Variants in ATP6V1E2 observed in about 807,000 individuals in gnomAD.
ATP6V1E2 encodes the protein ATPase H+ transporting V1 subunit E2, also known as V-type proton ATPase subunit E 2.
For synonymous variants in ATP6V1E2, 121 were observed against 104.2 expected (o/e 1.16, Z -0.98); for missense variants, 308 against 273.3 (o/e 1.13, Z -0.90).
At chr2:46,522,799 C>A (rs962833394) in intron 4 of ATP6V1E2, among the ~76,000 whole-genome samples, 13 of 152,146 alleles carry the variant, frequency 8.5e-5, no homozygotes, top group Non-Finnish European at 1.5e-5. Context: ...GGTTCTAGAT[C>A]CTTGAGGAAT....
chr2:46,520,846 A>G (rs939352546), intron 4 of ATP6V1E2, among the ~76,000 whole-genome samples: 1 of 152,046 alleles, frequency 6.6e-6, no homozygotes, highest in African/African-American at 2.4e-5. Context: ...TGGGGATGGA[A>G]GGGAGGCTTT....
At chr2:46,536,567 G>C (rs1415782847) in intron 3 of ATP6V1E2, 44 bp downstream of exon 3, 2 of 152,252 alleles carry the variant, frequency 1.3e-5, no homozygotes, top group Non-Finnish European at 1.5e-5. Flanking sequence ...ATAACAGCAG[G>C]GCAGCACCAG....
rs1667139981 is a variant in ATP6V1E2, at chr2:46,530,702, T to C, written c.-102+5111A>G. Among the ~76,000 whole-genome samples, 2 of 152,200 alleles carry C rather than the reference T, an allele frequency of 1.3e-5. No homozygotes were observed. Among genetic ancestry groups the C allele is most frequent in the African/African-American group, 4.8e-5 (2 of 41,446 alleles). ...TGGGTAATATATAAAGGAAAGAGGT[T>C]TCATTGACTCACAGTTCAGCATGTC... is the stretch of plus-strand genomic sequence containing the variant. On this transcript the variant is annotated intron_variant, in intron 4 of 4. Transcript: ENST00000522587. This position sits in a 1 kb window ranked among gnomAD's most constrained non-coding sequence, Gnocchi z 5.2.
chr2:46,524,765 G>T (rs1180776653), intron 4 of ATP6V1E2, among the ~76,000 whole-genome samples: 1 of 152,202 alleles, frequency 6.6e-6, no homozygotes, highest in Non-Finnish European at 1.5e-5. Context: ...AAGGCCTGCT[G>T]GTGGAAAGGG....
intron 4 of ATP6V1E2, among the ~76,000 whole-genome samples, chr2:46,516,127 GA>G (rs1432419378): frequency 6.6e-6 from 1 of 152,176 alleles, no homozygotes; most frequent in Middle Eastern, 3.2e-3. Context: ...TATCCAGACA[GA>G]AAATCAGTAA....
intron 4 of ATP6V1E2, among the ~76,000 whole-genome samples, chr2:46,518,293 G>C (rs75350461): frequency 3.9e-5 from 6 of 152,178 alleles, no homozygotes; most frequent in African/African-American, 1.4e-4. Flanking sequence ...ATCTAAAGTA[G>C]TCAAACTCAT....
chr2:46,535,708 T>C lies in ATP6V1E2; in HGVS notation c.-102+105A>G, dbSNP rs1461488331. 1.3e-5 allele frequency: 2 copies of C among 152,242 alleles called. No individual in the cohort carries two copies. The highest frequency in any genetic ancestry group is 2.1e-4 in the South Asian group (1 of 4,832). 9.4% of individuals were successfully genotyped at this position (152,242 alleles called of 1,614,324 possible). On this transcript the variant is annotated intron_variant, in intron 4 of 4. Transcript: ENST00000522587. The surrounding 1 kb of genome is among the most constrained non-coding windows in gnomAD (Gnocchi z 4.4). Reference sequence around the variant, plus strand: ...GCCTCCAGAGACAATGTGCCCTGTATTTAACTCTGGCTACACTAGCTTTTA... The same window carrying C: ...GCCTCCAGAGACAATGTGCCCTGTACTTAACTCTGGCTACACTAGCTTTTA...
At chr2:46,517,973 G>C (rs1323820278) in intron 4 of ATP6V1E2, among the ~76,000 whole-genome samples, 1 of 152,202 alleles carries the variant, frequency 6.6e-6, no homozygotes, top group East Asian at 1.9e-4. Context: ...GTTAAAAATG[G>C]AATTACCATG....
intron 4 of ATP6V1E2, among the ~76,000 whole-genome samples, chr2:46,531,036 A>T (rs1667157523): frequency 6.6e-6 from 1 of 151,380 alleles, no homozygotes; most frequent in Non-Finnish European, 1.5e-5. Context: ...ACGTTTTTTG[A>T]AATTGAGGTG....
chr2:46,515,654 G>C (rs1687681646), intron 4 of ATP6V1E2, among the ~76,000 whole-genome samples: 2 of 152,256 alleles, frequency 1.3e-5, no homozygotes, highest in East Asian at 1.9e-4. Context: ...TTAACAAATA[G>C]CAACAGTCAG....
intron 4 of ATP6V1E2, among the ~76,000 whole-genome samples, chr2:46,517,369 C>A (rs190682751): frequency 6.6e-6 from 1 of 152,104 alleles, no homozygotes; most frequent in Non-Finnish European, 1.5e-5. Flanking sequence ...AGGCCTGAAA[C>A]GATAAAATTC....
chr2:46,520,665 T>G (rs1666573437), intron 4 of ATP6V1E2, among the ~76,000 whole-genome samples: 1 of 152,234 alleles, frequency 6.6e-6, no homozygotes, highest in African/African-American at 2.4e-5. Flanking sequence ...CTCCTCCAAA[T>G]GACAGCATGG....
intron 4 of ATP6V1E2, among the ~76,000 whole-genome samples, chr2:46,532,743 C>T (rs368255645): frequency 6.6e-6 from 1 of 152,190 alleles, no homozygotes; most frequent in Non-Finnish European, 1.5e-5. Flanking sequence ...GGAAGCAGAG[C>T]GTGAGCCCTC....
chr2:46,541,862 AGTGT>A, intron 1 of ATP6V1E2: 1 of 152,370 alleles, frequency 6.6e-6, no homozygotes, highest in South Asian at 2.1e-4. Flanking sequence ...TCAGAGCACT[AGTGT>A]GTATCAGTTC....
chr2:46,525,229 C>T (rs71423910), intron 4 of ATP6V1E2, among the ~76,000 whole-genome samples: 2 of 151,952 alleles, frequency 1.3e-5, no homozygotes, highest in East Asian at 3.9e-4. Flanking sequence ...AATCCCAGTA[C>T]TTTGGGAGGC....
intron 4 of ATP6V1E2, among the ~76,000 whole-genome samples, chr2:46,516,608 A>C (rs532413042): frequency 2.3e-4 from 35 of 152,324 alleles, no homozygotes; most frequent in African/African-American, 7.9e-4. Context: ...AAAAATTTTT[A>C]AAAGAATAAG....
chr2:46,518,927 T>C (rs1666461191), intron 4 of ATP6V1E2: 1 of 152,096 alleles, frequency 6.6e-6, no homozygotes, highest in Admixed American at 6.5e-5. Context: ...GGAAGAAATA[T>C]ATCAGGTGAA....
At chr2:46,540,002 C>A (rs1231940027) in intron 2 of ATP6V1E2, among the ~76,000 whole-genome samples, 1 of 152,136 alleles carries the variant, frequency 6.6e-6, no homozygotes. Flanking sequence ...GCTCTTTGTC[C>A]CCAGCCCAGG....
chr2:46,539,838 C>G (rs1667639325), intron 2 of ATP6V1E2, among the ~76,000 whole-genome samples: 1 of 152,208 alleles, frequency 6.6e-6, no homozygotes, highest in African/African-American at 2.4e-5. Flanking sequence ...AATCCTTCCT[C>G]AACACACCTG....
Sources: gnomAD v4.1 joint callset for allele counts (sites outside exome capture counted in the v4.1 genomes callset) on GRCh38, gnomAD v4.1.1 for gene constraint, Gnocchi (gnomAD v3.1) non-coding constraint, MANE v1.5 for transcripts, NCBI Gene and HGNC (gene_info 2026-07-23, HGNC 2026-07-21) for gene names.